The following OR5A1 variants were observed in gnomAD, a reference collection of about 807,000 sequenced individuals.
OR5A1 encodes the protein olfactory receptor 5A1.
Under a neutral mutation model 6.7 loss-of-function variants are expected in OR5A1, and 6 were observed. The ratio of observed to expected loss-of-function variants is 0.89; its 90% confidence interval spans 0.49 to 1.76. The LOEUF (loss-of-function observed/expected upper bound fraction) is 1.76. Among genes scored for constraint, OR5A1 ranks in the 40% most tolerant of loss-of-function variants. OR5A1 has a pLI of 0.01. For missense variants in OR5A1, 378 were observed against 381.7 expected (o/e 0.99, Z 0.08); for synonymous variants, 170 against 155.0 (o/e 1.10, Z -0.72).
Position 59,443,340 on chromosome 11 carries a change from C to G in OR5A1, c.172C>G (p.Leu58Val). The G allele has an allele frequency of 6.2e-7, 1 of 1,613,906 alleles. No homozygotes were observed. The highest frequency in any genetic ancestry group is 1.3e-5 in the African/African-American group (1 of 75,044). ...LIFLIRGDTH[L>V]HTPMYFFLSN... Reference sequence around the variant, plus strand: ...TTTTCTGATCAGAGGTGACACCCATCTGCACACACCCATGTACTTCTTCCT... The same window carrying G: ...TTTTCTGATCAGAGGTGACACCCATGTGCACACACCCATGTACTTCTTCCT... The change falls in exon 2 of 2, where the codon CTG (leucine) becomes GTG (valine). Residue 58 changes from leucine to valine, a missense_variant. Transcript: ENST00000641045.
intron 1 of OR5A1, among the ~76,000 whole-genome samples, chr11:59,440,866 A>C (rs560650395): frequency 6.8e-4 from 104 of 152,338 alleles, no homozygotes; most frequent in African/African-American, 2.4e-3. Flanking sequence ...AATGTGATGA[A>C]TATCTAAAAC....
intron 1 of OR5A1, among the ~76,000 whole-genome samples, chr11:59,442,252 G>C (rs4939289): frequency 0.03 from 4,552 of 152,232 alleles, 115 homozygotes; most frequent in Admixed American, 0.067. Flanking sequence ...AGACCAGCCT[G>C]ACCAACATGG....
At chr11:59,442,164 A>C in intron 1 of OR5A1, among the ~76,000 whole-genome samples, 1 of 152,304 alleles carries the variant, frequency 6.6e-6, no homozygotes. Context: ...TAAACAACTC[A>C]GGCCAGGGGC....
At chr11:59,441,987 G>A (rs1000881278) in intron 1 of OR5A1, among the ~76,000 whole-genome samples, 1 of 146,878 alleles carries the variant, frequency 6.8e-6, no homozygotes, top group South Asian at 2.2e-4. Flanking sequence ...TAGATAGATA[G>A]ATGATAGATG....
At chr11:59,441,125 G>C (rs1858476519) in intron 1 of OR5A1, among the ~76,000 whole-genome samples, 1 of 152,116 alleles carries the variant, frequency 6.6e-6, no homozygotes, top group African/African-American at 2.4e-5. Flanking sequence ...AAATAAAGTG[G>C]CTCTCCTAAA....
At position 59,444,317 on chromosome 11, in the gene OR5A1, C is replaced by T; in HGVS notation, c.*201C>T. ...TAGCCAAAAAGGGAAGGAATTTCTTCAGAAAAAAAAAAAAAAAAAAAAGAA... is the reference window on the plus strand; with the variant it reads ...TAGCCAAAAAGGGAAGGAATTTCTTTAGAAAAAAAAAAAAAAAAAAAAGAA... On this transcript the variant is annotated 3_prime_UTR_variant, in exon 2 of 2. Transcript: ENST00000641045. The T allele has an allele frequency of 1.7e-5, 1 of 59,164 alleles. No individual in the cohort carries two copies. Among genetic ancestry groups the T allele is most frequent in the East Asian group, 3.8e-4 (1 of 2,662 alleles). 3.7% of individuals were successfully genotyped at this position (59,164 alleles called of 1,614,324 possible). A position where few individuals can be genotyped will look rare whatever the true frequency, so the allele number is the denominator to read the frequency against.
At position 59,443,391 on chromosome 11, in the gene OR5A1, T is replaced by G. The variant is rs755307793; in HGVS notation, c.223T>G (p.Cys75Gly). The G allele has an allele frequency of 6.2e-7, 1 of 1,613,886 alleles. No homozygotes were observed. The highest frequency in any genetic ancestry group is 1.1e-5 in the South Asian group (1 of 91,080). Reference protein sequence around the residue: ...FLSNLSFIDICYSSAVAPNML... With the variant: ...FLSNLSFIDIGYSSAVAPNML... ...AAGCAACTTATCTTTCATTGACATCTGCTACTCTTCTGCTGTGGCTCCCAA... is the reference window on the plus strand; with the variant it reads ...AAGCAACTTATCTTTCATTGACATCGGCTACTCTTCTGCTGTGGCTCCCAA... The change falls in exon 2 of 2, where the codon TGC becomes GGC. Residue 75 changes from cysteine (C) to glycine (G), a missense_variant. By Grantham distance (159) the Cys-to-Gly change is radical (BLOSUM62 -3). Coordinates refer to ENST00000641045, the MANE Select transcript of OR5A1 (RefSeq NM_001004728.2).
chr11:59,442,006 A>G (rs974929663), intron 1 of OR5A1, among the ~76,000 whole-genome samples: 1 of 151,696 alleles, frequency 6.6e-6, no homozygotes, highest in Non-Finnish European at 1.5e-5. Context: ...TGATAATTAG[A>G]CAGATCCTAT....
At chr11:59,437,473 G>A (rs189805704) in intron 1 of OR5A1, among the ~76,000 whole-genome samples, 38 of 152,236 alleles carry the variant, frequency 2.5e-4, no homozygotes, top group Non-Finnish European at 4.1e-4. Flanking sequence ...TAATATGCAC[G>A]TAAGTTTCCT....
rs1858421386 is a variant in OR5A1, at chr11:59,436,821, A to G, written c.-48A>G. The G allele has an allele frequency of 6.6e-6, 1 of 152,214 alleles. No individual in the cohort carries two copies. Among genetic ancestry groups the G allele is most frequent in the South Asian group, 2.1e-4 (1 of 4,832 alleles). The allele number at this position is 152,214 out of a possible 1,614,324, so 9.4% of individuals were successfully genotyped here. A position where few individuals can be genotyped will look rare whatever the true frequency, so the allele number is the denominator to read the frequency against. ...CAGGTATCAGCTAAAGGGCAGACAG[A>G]GCAGGAGCAACAGGGTAAGTGCAGT... On this transcript the variant is annotated 5_prime_UTR_variant, in exon 1 of 2. Transcript: ENST00000641045.
intron 1 of OR5A1, among the ~76,000 whole-genome samples, chr11:59,442,816 G>T (rs7947471): frequency 0.61 from 92,118 of 152,070 alleles, 28,844 homozygotes; most frequent in South Asian, 0.75. Flanking sequence ...TGAATTAATT[G>T]CTATCATCCA....
At position 59,443,243 on chromosome 11, in the gene OR5A1, A is replaced by G; in HGVS notation, c.75A>G (p.Glu25=). ...TCCTGGGATTCACAGACCATCCAGA[A>G]CTCCAGGCCCTCCTCTTTGTGACCT... The part of the protein sequence containing the change: ...FILLGFTDHP[E]LQALLFVTFL... Residue 25 remains glutamate, a synonymous_variant, in exon 2 of 2, where the codon GAA becomes GAG. Transcript: ENST00000641045. 3.7e-6 allele frequency: 6 copies of G among 1,613,988 alleles called. No individual in the cohort carries two copies. The highest frequency in any genetic ancestry group is 5.1e-6 in the Non-Finnish European group (6 of 1,179,984).
chr11:59,439,803 C>A (rs1450680095), intron 1 of OR5A1, among the ~76,000 whole-genome samples: 1 of 152,198 alleles, frequency 6.6e-6, no homozygotes, highest in Admixed American at 6.5e-5. Flanking sequence ...CTCAACCTCA[C>A]TCGTAAACAC....
In OR5A1 at chr11:59,449,786, C is replaced by T. The variant is rs1590616070; in HGVS notation, c.*5670C>T. ...AGGCTGAAAATGGCGTAAAGGAAAA[C>T]AAATACTTGTTGGGGAACTACTGCA... is the stretch of plus-strand genomic sequence containing the variant. On this transcript the variant is annotated 3_prime_UTR_variant, in exon 2 of 2. Transcript: ENST00000641045. 1 of 152,210 alleles carries T rather than the reference C, an allele frequency of 6.6e-6. No homozygotes were observed. Among genetic ancestry groups the T allele is most frequent in the African/African-American group, 2.4e-5 (1 of 41,534 alleles). 9.4% of individuals were successfully genotyped at this position (152,210 alleles called of 1,614,324 possible).
At chr11:59,438,404 T>C (rs900386729) in intron 1 of OR5A1, among the ~76,000 whole-genome samples, 3 of 152,192 alleles carry the variant, frequency 2.0e-5, no homozygotes, top group Admixed American at 1.3e-4. Flanking sequence ...CATTAATTGT[T>C]CATTACAAAT....
intron 1 of OR5A1, among the ~76,000 whole-genome samples, chr11:59,442,163 C>T (rs745324881): frequency 3.8e-4 from 58 of 152,296 alleles, no homozygotes; most frequent in Non-Finnish European, 7.1e-4. Context: ...CTAAACAACT[C>T]AGGCCAGGGG....
At chr11:59,436,856 G>C (rs1036361228) in intron 1 of OR5A1, 21 bp downstream of exon 1, 2 of 152,142 alleles carry the variant, frequency 1.3e-5, no homozygotes, top group Non-Finnish European at 2.9e-5. Context: ...TTTGCTCTTT[G>C]TCTTCATGCC....
chr11:59,438,353 A>G (rs540513365), intron 1 of OR5A1, among the ~76,000 whole-genome samples: 6 of 152,316 alleles, frequency 3.9e-5, no homozygotes, highest in African/African-American at 1.4e-4. Context: ...ATTTTTTTTA[A>G]GTCTTCAGAA....
At chr11:59,438,029 T>C (rs558334288) in intron 1 of OR5A1, among the ~76,000 whole-genome samples, 12 of 152,214 alleles carry the variant, frequency 7.9e-5, no homozygotes, top group Non-Finnish European at 1.5e-4. Context: ...GGCCCCTTTC[T>C]GTTGCTCTCT....
Sources: allele counts gnomAD v4.1 joint callset (sites outside exome capture counted in the v4.1 genomes callset), GRCh38; gene constraint gnomAD v4.1.1; transcripts MANE v1.5; gene names NCBI Gene and HGNC (gene_info 2026-07-23, HGNC 2026-07-21).